Variants in MUC3A observed in about 807,000 individuals in gnomAD.
MUC3A encodes mucin-3A.
Under a neutral mutation model 109.0 loss-of-function variants are expected in MUC3A, and 109 were observed. That is an observed-to-expected ratio of 1.00 (90% confidence interval 0.86 to 1.17). The LOEUF (loss-of-function observed/expected upper bound fraction) is 1.17, where lower values mean the gene tolerates loss of function less well. Among genes scored for constraint, MUC3A ranks in the 50% most tolerant of loss-of-function variants. The pLI is 0.00. For missense variants in MUC3A, 3,537 were observed against 2,469.4 expected, an observed-to-expected ratio of 1.43 and a Z score of -9.16; for synonymous variants, 1,398 against 981.4, an observed-to-expected ratio of 1.42 and a Z score of -7.93.
At position 100,960,278 on chromosome 7, in the gene MUC3A, C is replaced by T. The variant is rs1792275206; in HGVS notation, c.8499C>T (p.Ser2833=). The T allele has an allele frequency of 6.3e-7, 1 of 1,598,436 alleles. No individual in the cohort carries two copies. Among genetic ancestry groups the T allele is most frequent in the African/African-American group, 1.3e-5 (1 of 74,964 alleles). ...TTACTACATATATGGACACTTCTTCCATGATGCCAGAAAGTGAGTCCAGCA... is the reference window on the plus strand; with the variant it reads ...TTACTACATATATGGACACTTCTTCTATGATGCCAGAAAGTGAGTCCAGCA... The part of the protein sequence containing the change: ...TTLTTYMDTS[S]MMPESESSIS... The change falls in exon 2 of 12, where the codon TCC becomes TCT. Residue 2833 remains serine, a synonymous_variant. Coordinates refer to ENST00000379458, the MANE Select transcript of MUC3A (RefSeq NM_005960.2).
At position 100,960,634 on chromosome 7, in the gene MUC3A, C is replaced by T. The variant is rs771149306; in HGVS notation, c.8855C>T (p.Thr2952Ile). ...TSQMTTQSTL[T>I]TTAGTCDNGG... ...CAGATGACCACACAGTCCACGTTGA[C>T]CACCACTGCAGGTTGGACCTTCTGC... The change falls in exon 2 of 12, where the codon ACC (threonine) becomes ATC (isoleucine). Residue 2952 changes from threonine to isoleucine, a missense_variant. Physicochemically the swap from Thr to Ile is moderately conservative, Grantham distance 89 (BLOSUM62 -1). Coordinates refer to ENST00000379458, the MANE Select transcript of MUC3A (RefSeq NM_005960.2). 1,868 of 1,593,252 alleles carry T rather than the reference C, an allele frequency of 1.2e-3. No individual in the cohort carries two copies. In the East Asian group the frequency reaches 0.025, roughly 21 times the overall value.
In MUC3A at chr7:100,959,670, A is replaced by G. The variant is rs200943429; in HGVS notation, c.7891A>G (p.Ile2631Val). ...STIVSTSQVPIPSTHSSTLQT... is the reference protein window; with the variant it reads ...STIVSTSQVPVPSTHSSTLQT... ...GATCGTGTCAACATCACAGGTTCCT[A>G]TTCCTAGCACACATTCCTCCACCCT... Residue 2631 changes from isoleucine to valine, a missense_variant, in exon 2 of 12, where the codon ATT (isoleucine) becomes GTT (valine). Transcript: ENST00000379458. 0.091 allele frequency: 145,236 copies of G among 1,588,642 alleles called. 3 individuals are homozygous for G. The highest frequency in any genetic ancestry group is 0.11 in the Non-Finnish European group (126,346 of 1,172,702).
chr7:100,951,770 C>CTTTG, intron 1 of MUC3A, 71 bp from the exon 2 acceptor site: 1 of 1,558,806 alleles, frequency 6.4e-7, no homozygotes, highest in Non-Finnish European at 8.6e-7. Context: ...GAGTGAGTAG[C>CTTTG]TTACATGAGT....
intron 5 of MUC3A, chr7:100,964,477 G>A: frequency 1.4e-6 from 1 of 693,628 alleles, no homozygotes; most frequent in Non-Finnish European, 2.2e-6. Flanking sequence ...CACAGAGAGA[G>A]GAAGTCAATC....
rs1792628614 is a variant in MUC3A, at chr7:100,967,267, CCTG to C, written c.*109_*111del. The C allele has an allele frequency of 6.5e-7, 1 of 1,532,476 alleles. No homozygotes were observed. The highest frequency in any genetic ancestry group is 8.8e-7 in the Non-Finnish European group (1 of 1,135,636). 94.9% of individuals were successfully genotyped at this position (1,532,476 alleles called of 1,614,324 possible). On this transcript the variant is annotated 3_prime_UTR_variant, in exon 12 of 12. Coordinates refer to ENST00000379458, the MANE Select transcript of MUC3A (RefSeq NM_005960.2). ...CCCCAGGACGCGGGCAGCCCAGGCT[CCTG>C]CTGTTCTTGGGCAAGATGAGACTGT...
In MUC3A at chr7:100,960,466, G is replaced by A. The variant is rs749248594; in HGVS notation, c.8687G>A (p.Ser2896Asn). ...ACCATCCCGCTCACCATGAAACCAAGCAGTAGCCTCCCGACCATCCTGAGG... is the reference window on the plus strand; with the variant it reads ...ACCATCCCGCTCACCATGAAACCAAACAGTAGCCTCCCGACCATCCTGAGG... Reference protein sequence around the residue: ...VSTIPLTMKPSSSLPTILRTS... With the variant: ...VSTIPLTMKPNSSLPTILRTS... The change falls in exon 2 of 12, where the codon AGC becomes AAC. Residue 2896 changes from serine (S) to asparagine (N), a missense_variant. Physicochemically the swap from Ser to Asn is conservative, Grantham distance 46. Transcript: ENST00000379458. 2.5e-6 allele frequency: 4 copies of A among 1,598,518 alleles called. No homozygotes were observed. The South Asian group carries it at 3.3e-5, about 13-fold the overall frequency.
intron 5 of MUC3A, 155 bp from the exon 6 acceptor site, chr7:100,964,540 G>A (rs1792455801): frequency 7.9e-7 from 1 of 1,268,740 alleles, no homozygotes; most frequent in East Asian, 2.5e-5. Flanking sequence ...CAGGAATGCT[G>A]GCAGCCCCTT....
chr7:100,959,775 G>C lies in MUC3A; in HGVS notation c.7996G>C (p.Gly2666Arg). The change falls in exon 2 of 12, where the codon GGA becomes CGA. Residue 2666 changes from glycine (G) to arginine (R), a missense_variant. Gly to Arg is a moderately radical substitution (Grantham distance 125). Coordinates refer to ENST00000379458, the MANE Select transcript of MUC3A (RefSeq NM_005960.2). ...SEFTTESFTR[G>R]STSTNAILTS... is the part of the protein sequence containing the mutation. ...GTTCACTACAGAATCTTTCACTAGG[G>C]GAAGTACGTCTACAAATGCAATCTT... is the stretch of plus-strand genomic sequence containing the variant. 1 of 1,597,668 alleles carries C rather than the reference G, an allele frequency of 6.3e-7. No individual in the cohort carries two copies. The highest frequency in any genetic ancestry group is 8.5e-7 in the Non-Finnish European group (1 of 1,179,380).
chr7:100,967,986 G>GTTTCTC lies in MUC3A; in HGVS notation c.*826_*827insTCTCTT, dbSNP rs1792688415. The GTTTCTC allele has an allele frequency of 8.7e-6, 1 of 115,096 alleles. No homozygotes were observed. Among genetic ancestry groups the GTTTCTC allele is most frequent in the Non-Finnish European group, 1.8e-5 (1 of 56,566 alleles). 7.1% of individuals were successfully genotyped at this position (115,096 alleles called of 1,614,324 possible). A position where few individuals can be genotyped will look rare whatever the true frequency, so the allele number is the denominator to read the frequency against. On this transcript the variant is annotated 3_prime_UTR_variant, in exon 12 of 12. Coordinates refer to ENST00000379458, the MANE Select transcript of MUC3A (RefSeq NM_005960.2). Reference sequence around the variant, plus strand: ...CCCTGACCTAAATACCCCAGCTGCTGTTCCCCCCATCACCCTGCTGCCCAA... The same window carrying GTTTCTC: ...CCCTGACCTAAATACCCCAGCTGCTGTTTCTCTTCCCCCCATCACCCTGCTGCCCAA...
At position 100,966,652 on chromosome 7, in the gene MUC3A, G is replaced by A. The variant is rs1479500563; in HGVS notation, c.9786G>A (p.Arg3262=). Residue 3262 remains arginine, a splice_region_variant and synonymous_variant, in exon 10 of 12, where the codon CGG becomes CGA. Coordinates refer to ENST00000379458, the MANE Select transcript of MUC3A (RefSeq NM_005960.2). ...CTGACCGCGCGGCGGCCCCACCTAG[G>A]TCCTGGGACCAGGACAGGAAATGGT... is the stretch of plus-strand genomic sequence containing the variant. The part of the protein sequence containing the change: ...SGWWGGQRRG[R]SWDQDRKWFE... 1 of 1,598,408 alleles carries A rather than the reference G, an allele frequency of 6.3e-7. No homozygotes were observed. Among genetic ancestry groups the A allele is most frequent in the Non-Finnish European group, 8.5e-7 (1 of 1,179,826 alleles).
At chr7:100,966,120 G>A (rs1490223999) in intron 8 of MUC3A, 1 of 555,328 alleles carries the variant, frequency 1.8e-6, no homozygotes, top group Non-Finnish European at 2.7e-6. Flanking sequence ...GTGGGGCCCC[G>A]CCTCCTCGTT....
At chr7:100,963,867 G>T (rs1792428274) in intron 5 of MUC3A, 115 bp downstream of exon 5, 3 of 1,443,616 alleles carry the variant, frequency 2.1e-6, no homozygotes, top group South Asian at 2.4e-5. Flanking sequence ...GGGTGGAGGG[G>T]GTACATAAGG....
At chr7:100,964,430 AG>A in intron 5 of MUC3A, 1 of 514,736 alleles carries the variant, frequency 1.9e-6, no homozygotes, top group Non-Finnish European at 3.3e-6. Flanking sequence ...ACTGCACTCC[AG>A]CCTGGGTGAC....
Position 100,957,911 on chromosome 7 carries a change from T to G in MUC3A, c.6132T>G (p.Thr2044=). The change falls in exon 2 of 12, where the codon ACT becomes ACG. Residue 2044 remains threonine, a synonymous_variant. Coordinates refer to ENST00000379458, the MANE Select transcript of MUC3A (RefSeq NM_005960.2). ...CATCCCATAGTACTCCCAGCTTCAC[T>G]TCTTCGATCACCACCGAGACCACAT... is the stretch of plus-strand genomic sequence containing the variant. ...ETTSHSTPSF[T]SSITTETTSH... The G allele has an allele frequency of 1.2e-5, 8 of 677,092 alleles. No homozygotes were observed. Among genetic ancestry groups the G allele is most frequent in the Non-Finnish European group, 1.6e-5 (6 of 382,266 alleles). The allele number at this position is 677,092 out of a possible 1,614,324, so 41.9% of individuals were successfully genotyped here.
Position 100,959,772 on chromosome 7 carries a change from A to G in MUC3A, c.7993A>G (p.Arg2665Gly). The G allele has an allele frequency of 6.3e-7, 1 of 1,597,890 alleles. No homozygotes were observed. The highest frequency in any genetic ancestry group is 8.5e-7 in the Non-Finnish European group (1 of 1,179,506). Reference sequence around the variant, plus strand: ...TGAGTTCACTACAGAATCTTTCACTAGGGGAAGTACGTCTACAAATGCAAT... The same window carrying G: ...TGAGTTCACTACAGAATCTTTCACTGGGGGAAGTACGTCTACAAATGCAAT... ...TSEFTTESFTRGSTSTNAILT... is the reference protein window; with the variant it reads ...TSEFTTESFTGGSTSTNAILT... The change falls in exon 2 of 12, where the codon AGG becomes GGG. Residue 2665 changes from arginine (R) to glycine (G), a missense_variant. By Grantham distance (125) the Arg-to-Gly change is moderately radical. Coordinates refer to ENST00000379458, the MANE Select transcript of MUC3A (RefSeq NM_005960.2).
rs373583000 is a variant in MUC3A, at chr7:100,960,774, C to A, written c.8889C>A (p.Thr2963=). The A allele has an allele frequency of 1.9e-6, 3 of 1,598,032 alleles. No homozygotes were observed. The highest frequency in any genetic ancestry group is 2.5e-6 in the Non-Finnish European group (3 of 1,179,598). The change falls in exon 3 of 12, where the codon ACC becomes ACA. Residue 2963 remains threonine (T), a synonymous_variant. Coordinates refer to ENST00000379458, the MANE Select transcript of MUC3A (RefSeq NM_005960.2). ...CAGGCACCTGTGACAATGGTGGCAC[C>A]TGGGAACAGGGCCAGTGTGCTTGCC... ...TTAGTCDNGG[T]WEQGQCACLP... is the part of the protein sequence containing the mutation.
At position 100,959,596 on chromosome 7, in the gene MUC3A, C is replaced by T; in HGVS notation, c.7817C>T (p.Ser2606Phe). 6.3e-7 allele frequency: 1 copy of T among 1,597,362 alleles called. No homozygotes were observed. Among genetic ancestry groups the T allele is most frequent in the Non-Finnish European group, 8.5e-7 (1 of 1,179,142 alleles). ...ACTGTCACCTTTGGAAGTACGGATT[C>T]CTCCACGTCCACTCTTCATACTCTT... ...PTTVTFGSTD[S>F]STSTLHTLTP... The change falls in exon 2 of 12, where the codon TCC (serine) becomes TTC (phenylalanine). Residue 2606 changes from serine (S) to phenylalanine (F), a missense_variant. By Grantham distance (155) the Ser-to-Phe change is radical. Coordinates refer to ENST00000379458, the MANE Select transcript of MUC3A (RefSeq NM_005960.2).
chr7:100,952,181 T>C lies in MUC3A; in HGVS notation c.402T>C (p.Phe134=). The C allele has an allele frequency of 6.3e-7, 1 of 1,598,532 alleles. No individual in the cohort carries two copies. The highest frequency in any genetic ancestry group is 8.5e-7 in the Non-Finnish European group (1 of 1,179,762). ...CTGAGTGCGTGTATCCAACGAGCTT[T>C]ATAATCACCATCTCCCACCCCACCT... ...ATTECVYPTS[F]IITISHPTSI... is the part of the protein sequence containing the mutation. Residue 134 remains phenylalanine (F), a synonymous_variant, in exon 2 of 12, where the codon TTT becomes TTC. Coordinates refer to ENST00000379458, the MANE Select transcript of MUC3A (RefSeq NM_005960.2).
At chr7:100,967,072 G>C (rs1030068195) in intron 11 of MUC3A, 49 bp from the exon 12 acceptor site, 2 of 1,598,382 alleles carry the variant, frequency 1.3e-6, no homozygotes, top group African/African-American at 2.7e-5. Flanking sequence ...CTCCCTGTCA[G>C]CCCAAACCAG....
Sources: allele counts gnomAD v4.1 joint callset, GRCh38; gene constraint gnomAD v4.1.1; transcripts MANE v1.5; gene names NCBI Gene and HGNC (gene_info 2026-07-23, HGNC 2026-07-21).